The following SDK1 variants were observed in gnomAD, a reference collection of about 807,000 sequenced individuals.
SDK1 encodes the protein protein sidekick-1.
A neutral mutation model predicts 245.5 loss-of-function variants in SDK1; 157 were observed. The ratio of observed to expected loss-of-function variants is 0.64; its 90% confidence interval spans 0.56 to 0.73. The LOEUF is 0.73. SDK1 is among the 30% of genes least tolerant of loss of function. SDK1 has a pLI of 0.00. For synonymous variants in SDK1, 1,647 were observed against 1,278.5 expected (o/e 1.29, Z -6.15); for missense variants, 3,583 against 3,002.3 (o/e 1.19, Z -4.52).
chr7:3,579,805 A>C (rs1780423363), intron 1 of SDK1, among the ~76,000 whole-genome samples: 1 of 152,222 alleles, frequency 6.6e-6, no homozygotes, highest in Admixed American at 6.5e-5. Context: ...AGAGAGAGGA[A>C]GTCAAAGTAT....
At chr7:3,509,464 G>T (rs779975583) in intron 1 of SDK1, among the ~76,000 whole-genome samples, 5 of 152,174 alleles carry the variant, frequency 3.3e-5, no homozygotes, top group African/African-American at 7.2e-5. Context: ...TGTCTGTAAA[G>T]CAATTAAAGG....
intron 2 of SDK1, among the ~76,000 whole-genome samples, chr7:3,633,326 C>A (rs1446370760): frequency 6.6e-6 from 1 of 152,034 alleles, no homozygotes; most frequent in African/African-American, 2.4e-5. Context: ...AAATTAAGTT[C>A]CCTGACCACC....
intron 14 of SDK1, among the ~76,000 whole-genome samples, chr7:4,007,103 G>A (rs1175170726): frequency 2.0e-5 from 3 of 152,250 alleles, no homozygotes; most frequent in Non-Finnish European, 4.4e-5. Flanking sequence ...GGAAGAAAGG[G>A]ATGGACGAAG....
intron 1 of SDK1, among the ~76,000 whole-genome samples, chr7:3,489,808 G>GT (rs1781812852): frequency 6.6e-6 from 1 of 152,190 alleles, no homozygotes; most frequent in African/African-American, 2.4e-5. Context: ...AGTATACATG[G>GT]TAAATGCAGC....
At chr7:3,782,267 G>C (rs988901518) in intron 4 of SDK1, among the ~76,000 whole-genome samples, 36 of 152,132 alleles carry the variant, frequency 2.4e-4, no homozygotes, top group African/African-American at 8.4e-4. Context: ...AGAGGTGATG[G>C]GAAAAGGTCT....
At chr7:3,393,412 A>C (rs1781811495) in intron 1 of SDK1, among the ~76,000 whole-genome samples, 1 of 152,158 alleles carries the variant, frequency 6.6e-6, no homozygotes, top group Admixed American at 6.5e-5. Flanking sequence ...GAAATGTTTG[A>C]GAGTTCCAAC....
intron 4 of SDK1, among the ~76,000 whole-genome samples, chr7:3,760,091 T>C (rs896675888): frequency 9.9e-5 from 15 of 151,206 alleles, no homozygotes; most frequent in African/African-American, 3.4e-4. Flanking sequence ...TGTTTACGCA[T>C]TGTGCATGTT....
At chr7:4,091,502 C>G (rs1781800924) in intron 22 of SDK1, among the ~76,000 whole-genome samples, 1 of 151,826 alleles carries the variant, frequency 6.6e-6, no homozygotes, top group Non-Finnish European at 1.5e-5. Flanking sequence ...ACCACCACAC[C>G]TGGCTAATTT....
In SDK1 at chr7:3,601,683, T is replaced by C. The variant is rs1781258614; in HGVS notation, c.299-17397T>C. Among the ~76,000 whole-genome samples the C allele has an allele frequency of 2.0e-5, 3 of 151,934 alleles. No individual in the cohort carries two copies. The South Asian group carries it at 6.2e-4, about 31-fold the overall frequency. On this transcript the variant is annotated intron_variant, in intron 1 of 44. Transcript: ENST00000404826. ...AATTTATTTATTTATTTAAATTTTA[T>C]TTTATTATTATACTTTAAGTTTTAG...
intron 2 of SDK1, among the ~76,000 whole-genome samples, chr7:3,637,041 T>G (rs1404505191): frequency 2.0e-5 from 3 of 150,906 alleles, no homozygotes; most frequent in Non-Finnish European, 2.9e-5. Context: ...TTTAAGCTTT[T>G]TTTTCCTGAT....
At chr7:4,083,324 C>G (rs535905810) in intron 22 of SDK1, among the ~76,000 whole-genome samples, 16 of 152,076 alleles carry the variant, frequency 1.1e-4, no homozygotes, top group African/African-American at 3.6e-4. Context: ...GGTTACAGCT[C>G]TGTTAATCTA....
rs1224909649 is a variant in SDK1, at chr7:4,265,984, C to T, written c.*600C>T. ...AAGGAGTCGGCTTTCAGGTTCCTGA[C>T]GGCCAGGCAGGGATGCTAAGGTGTG... On this transcript the variant is annotated 3_prime_UTR_variant, in exon 45 of 45. Coordinates refer to ENST00000404826, the MANE Select transcript of SDK1 (RefSeq NM_152744.4). The T allele has an allele frequency of 1.1e-5, 11 of 985,484 alleles. No individual in the cohort carries two copies. The highest frequency in any genetic ancestry group is 1.7e-5 in the African/African-American group (1 of 57,254). The allele number at this position is 985,484 out of a possible 1,614,324, so 61.0% of individuals were successfully genotyped here.
chr7:3,860,095 T>C (rs940860441), intron 5 of SDK1, among the ~76,000 whole-genome samples: 4 of 151,752 alleles, frequency 2.6e-5, no homozygotes, highest in African/African-American at 7.3e-5. Flanking sequence ...AAGTTTTTTG[T>C]ATTTTTAGTA....
At chr7:3,304,310 A>C (rs1779360097) in intron 1 of SDK1, among the ~76,000 whole-genome samples, 1 of 152,214 alleles carries the variant, frequency 6.6e-6, no homozygotes, top group South Asian at 2.1e-4. Flanking sequence ...GGCAGGTGGC[A>C]ACACATGCTT....
chr7:3,551,320 T>C (rs1289747641), intron 1 of SDK1, among the ~76,000 whole-genome samples: 1 of 152,184 alleles, frequency 6.6e-6, no homozygotes, highest in African/African-American at 2.4e-5. Flanking sequence ...TTTTTTGATA[T>C]TTGAAATAAA....
intron 8 of SDK1, among the ~76,000 whole-genome samples, chr7:3,961,970 C>T (rs932812062): frequency 2.0e-5 from 3 of 151,604 alleles, no homozygotes; most frequent in Non-Finnish European, 2.9e-5. Flanking sequence ...CACACATAAA[C>T]ACATGCACAT....
intron 3 of SDK1, among the ~76,000 whole-genome samples, chr7:3,639,425 A>G (rs1297917891): frequency 6.6e-6 from 1 of 152,128 alleles, no homozygotes; most frequent in Non-Finnish European, 1.5e-5. Context: ...CTATGTTTGG[A>G]TTCAAAATGT....
At chr7:3,637,105 G>T (rs56357148) in intron 2 of SDK1, among the ~76,000 whole-genome samples, 1 of 147,148 alleles carries the variant, frequency 6.8e-6, no homozygotes, top group Admixed American at 7.0e-5. Context: ...GTGTGTGTGT[G>T]TGTGTGTTTT....
intron 1 of SDK1, among the ~76,000 whole-genome samples, chr7:3,489,447 G>GAT (rs1051820012): frequency 1.3e-5 from 2 of 152,108 alleles, no homozygotes; most frequent in Non-Finnish European, 2.9e-5. Context: ...TAGTATATCA[G>GAT]ATATATATAT....
Sources: allele counts gnomAD v4.1 joint callset (sites outside exome capture counted in the v4.1 genomes callset), GRCh38; gene constraint gnomAD v4.1.1; transcripts MANE v1.5; gene names NCBI Gene and HGNC (gene_info 2026-07-23, HGNC 2026-07-21).